The following DRC8 variants were observed in gnomAD, a reference collection of about 807,000 sequenced individuals.
DRC8 encodes the protein dynein regulatory complex subunit 8.
At chr1:244,988,774 C>T in the DRC8 span, among the ~76,000 whole-genome samples, 1 of 152,166 alleles carries the variant, frequency 6.6e-6, no homozygotes, top group Non-Finnish European at 1.5e-5. Flanking sequence ...CCCTACGTTA[C>T]AAAAAATTAG....
chr1:245,074,274 T>C, the DRC8 span, among the ~76,000 whole-genome samples: 2 of 152,220 alleles, frequency 1.3e-5, no homozygotes, highest in African/African-American at 4.8e-5. Flanking sequence ...CTTTAAATCA[T>C]TGTTTTTGGT....
At chr1:245,006,464 C>A in the DRC8 span, among the ~76,000 whole-genome samples, 1 of 151,886 alleles carries the variant, frequency 6.6e-6, no homozygotes, top group Non-Finnish European at 1.5e-5. Flanking sequence ...CCACACCCAG[C>A]TAATTTTTTT....
At chr1:245,052,689 T>G in the DRC8 span, among the ~76,000 whole-genome samples, 5 of 152,206 alleles carry the variant, frequency 3.3e-5, no homozygotes, top group Non-Finnish European at 7.3e-5. Flanking sequence ...AGGGGGCCTC[T>G]GGGGAGCACC....
the DRC8 span, among the ~76,000 whole-genome samples, chr1:244,984,509 A>G: frequency 6.6e-6 from 1 of 152,166 alleles, no homozygotes; most frequent in Admixed American, 6.6e-5. Flanking sequence ...TCTTATTAAG[A>G]GTAAATGTAT....
the DRC8 span, among the ~76,000 whole-genome samples, chr1:245,020,613 CTTTTTTTTTTTTTTTTT>C: frequency 1.7e-5 from 1 of 59,704 alleles, no homozygotes. Flanking sequence ...GTTTTTCTTT[CTTTTTTTTTTTTTTTTT>C]TTTTTTTTAG....
At chr1:245,073,140 G>T in the DRC8 span, among the ~76,000 whole-genome samples, 17 of 151,892 alleles carry the variant, frequency 1.1e-4, no homozygotes, top group Admixed American at 3.3e-4. Context: ...AATTTTTTTT[G>T]TTTGTTTGTT....
the DRC8 span, among the ~76,000 whole-genome samples, chr1:245,022,320 A>ATT: frequency 6.9e-6 from 1 of 144,680 alleles, no homozygotes; most frequent in Admixed American, 6.9e-5. Context: ...CCCCCGGCTA[A>ATT]TTTTTTTTTT....
chr1:244,980,104 A>G, the DRC8 span, among the ~76,000 whole-genome samples: 2 of 140,702 alleles, frequency 1.4e-5, no homozygotes, highest in African/African-American at 5.2e-5. Flanking sequence ...CTGTAGTCCC[A>G]GGTACTTGGG....
chr1:245,083,724 G>A, the DRC8 span: 39 of 1,577,158 alleles, frequency 2.5e-5, no homozygotes, highest in South Asian at 4.5e-4. Flanking sequence ...AATGACTTAT[G>A]TGAGGAATTA....
chr1:244,978,202 A>G, the DRC8 span, among the ~76,000 whole-genome samples: 1 of 152,142 alleles, frequency 6.6e-6, no homozygotes, highest in Non-Finnish European at 1.5e-5. Context: ...TTTTTAAGAG[A>G]TGAGATCTAG....
At chr1:245,118,810 G>GAAAAGAAAAGAAAAGAAAAT in the DRC8 span, among the ~76,000 whole-genome samples, 2 of 83,108 alleles carry the variant, frequency 2.4e-5, no homozygotes, top group African/African-American at 1.1e-4. Context: ...GAAAAGAAAA[G>GAAAAGAAAAGAAAAGAAAAT]AAAAGAAAAG....
At chr1:245,002,517 G>A in the DRC8 span, among the ~76,000 whole-genome samples, 4 of 152,076 alleles carry the variant, frequency 2.6e-5, no homozygotes, top group Admixed American at 2.6e-4. Context: ...TTTTCCTTAT[G>A]TTTCTTTAGT....
At chr1:245,119,416 G>A in the DRC8 span, among the ~76,000 whole-genome samples, 1 of 150,908 alleles carries the variant, frequency 6.6e-6, no homozygotes, top group Non-Finnish European at 1.5e-5. Flanking sequence ...GCTCATGCCT[G>A]TAATCTCAGC....
At chr1:245,059,446 T>A in the DRC8 span, 1 of 1,612,676 alleles carries the variant, frequency 6.2e-7, no homozygotes, top group African/African-American at 1.3e-5. Flanking sequence ...AGCTGCATGA[T>A]CTGATTGCAG....
chr1:245,039,655 G>T, the DRC8 span, among the ~76,000 whole-genome samples: 1 of 152,066 alleles, frequency 6.6e-6, no homozygotes, highest in Admixed American at 6.6e-5. Flanking sequence ...CGTGCAGAAC[G>T]CTGTCCTGCG....
At chr1:245,087,531 G>A in the DRC8 span, 2 of 1,336,862 alleles carry the variant, frequency 1.5e-6, no homozygotes, top group Non-Finnish European at 1.9e-6. Context: ...ACCAAATTTA[G>A]TATGTCTAGC....
At chr1:244,995,865 G>A in the DRC8 span, among the ~76,000 whole-genome samples, 4 of 152,304 alleles carry the variant, frequency 2.6e-5, no homozygotes, top group Admixed American at 2.0e-4. Context: ...CTAACCTAGA[G>A]CCTACGGAAG....
At chr1:245,018,226 C>CAAA in the DRC8 span, among the ~76,000 whole-genome samples, 185 of 62,566 alleles carry the variant, frequency 3.0e-3, no homozygotes, top group Non-Finnish European at 4.8e-3. Flanking sequence ...GACTCTGTCT[C>CAAA]AAAAAAAAAA....
the DRC8 span, among the ~76,000 whole-genome samples, chr1:245,023,472 C>T: frequency 2.0e-5 from 3 of 152,300 alleles, no homozygotes; most frequent in Admixed American, 6.5e-5. Context: ...ACAGCGGCTG[C>T]GCCATGCTGC....
Sources: allele counts gnomAD v4.1 joint callset (sites outside exome capture counted in the v4.1 genomes callset), GRCh38; gene constraint gnomAD v4.1.1; transcripts MANE v1.5; gene names NCBI Gene and HGNC (gene_info 2026-07-23, HGNC 2026-07-21).